GPBP1L1: variants seen among roughly 807,000 people sequenced by gnomAD.
GPBP1L1 encodes GC-rich promoter binding protein 1 like 1, also known as vasculin-like protein 1.
A neutral mutation model predicts 52.5 loss-of-function variants in GPBP1L1; 23 were observed. The ratio of observed to expected loss-of-function variants is 0.44; its 90% CI spans 0.32 to 0.62. GPBP1L1 has a LOEUF of 0.62. GPBP1L1 is among the 20% of genes least tolerant of loss of function. The pLI is 0.06. For synonymous variants in GPBP1L1, 243 were observed against 203.1 expected, an observed-to-expected ratio of 1.20 and a Z score of -1.67; for missense variants, 596 against 579.3, an observed-to-expected ratio of 1.03 and a Z score of -0.30.
chr1:45,631,355 C>T (rs1370649627), intron 10 of GPBP1L1, among the ~76,000 whole-genome samples: 1 of 152,108 alleles, frequency 6.6e-6, no homozygotes, highest in Non-Finnish European at 1.5e-5. Context: ...CCCCGCCTCC[C>T]ATGTTCAAGT....
chr1:45,628,006 ATGTG>A lies in GPBP1L1; in HGVS notation c.*246_*249del, dbSNP rs556590492. On this transcript the variant is annotated 3_prime_UTR_variant, in exon 13 of 13. Coordinates refer to ENST00000355105, the MANE Select transcript of GPBP1L1 (RefSeq NM_021639.5). ...ATCGCCCCATATATACTGGGTGTGT[ATGTG>A]TGTGTGTGTGTGAGTGTGTTTAAAA... 6.9e-5 allele frequency: 28 copies of A among 407,084 alleles called. No homozygotes were observed. Among genetic ancestry groups the A allele is most frequent in the South Asian group, 1.1e-4 (4 of 35,316 alleles). The allele number at this position is 407,084 out of a possible 1,614,324, so 25.2% of individuals were successfully genotyped here.
At chr1:45,662,896 C>T (rs866088036) in intron 2 of GPBP1L1, among the ~76,000 whole-genome samples, 6 of 151,628 alleles carry the variant, frequency 4.0e-5, no homozygotes, top group Non-Finnish European at 7.4e-5. Context: ...ACTAAGAATA[C>T]GAAAATTAGC....
At chr1:45,629,515 G>A (rs1644502685) in intron 12 of GPBP1L1, 61 bp downstream of exon 12, 2 of 657,444 alleles carry the variant, frequency 3.0e-6, no homozygotes, top group Admixed American at 2.4e-5. Context: ...GGCAAGAACT[G>A]TCTTGACTCC....
At chr1:45,655,145 A>T (rs1258394184) in intron 5 of GPBP1L1, 45 bp downstream of exon 5, 6 of 1,612,076 alleles carry the variant, frequency 3.7e-6, no homozygotes, top group Non-Finnish European at 5.1e-6. Flanking sequence ...GGCTTGTCCT[A>T]AATGAGTAGC....
Position 45,654,685 on chromosome 1 carries a change from C to A in GPBP1L1, c.335G>T (p.Gly112Val), listed in dbSNP as rs868868106. 2 of 1,614,174 alleles carry A rather than the reference C, an allele frequency of 1.2e-6. No homozygotes were observed. The highest frequency in any genetic ancestry group is 1.3e-5 in the African/African-American group (1 of 75,032). Residue 112 changes from glycine (G) to valine (V), a missense_variant, in exon 6 of 13, where the codon GGT (glycine) becomes GTT (valine). Physicochemically the swap from Gly to Val is moderately radical, Grantham distance 109. Transcript: ENST00000355105. ...GHDGMSQRSG[G>V]GTGNHRHWNG... ...CCAATGGCGATGGTTCCCTGTGCCA[C>A]CTCCACTACGTTGGCTCATGCCATC... is the stretch of plus-strand genomic sequence containing the variant.
At chr1:45,677,581 A>T (rs373154284) in intron 2 of GPBP1L1, among the ~76,000 whole-genome samples, 23 of 151,364 alleles carry the variant, frequency 1.5e-4, no homozygotes, top group African/African-American at 5.6e-4. Context: ...GGAGTCTAAT[A>T]AACAAAATCC....
At chr1:45,663,113 C>T (rs1644966878) in intron 2 of GPBP1L1, among the ~76,000 whole-genome samples, 1 of 150,936 alleles carries the variant, frequency 6.6e-6, no homozygotes, top group Non-Finnish European at 1.5e-5. Flanking sequence ...CTGTAACTCT[C>T]AGTAATAGAT....
chr1:45,661,044 A>G lies in GPBP1L1; in HGVS notation c.-916T>C, dbSNP rs992241692. On this transcript the variant is annotated 5_prime_UTR_variant, in exon 3 of 13. Transcript: ENST00000355105. ...AGTCAAGGAGAAATATAGGTCCAAAATGAGGATTTCTTCTCTTCAGTTTTC... is the reference window on the plus strand; with the variant it reads ...AGTCAAGGAGAAATATAGGTCCAAAGTGAGGATTTCTTCTCTTCAGTTTTC... 26 of 152,310 alleles carry G rather than the reference A, an allele frequency of 1.7e-4. No homozygotes were observed. Among genetic ancestry groups the G allele is most frequent in the African/African-American group, 6.3e-4 (26 of 41,576 alleles). 9.4% of individuals were successfully genotyped at this position (152,310 alleles called of 1,614,324 possible). A position where few individuals can be genotyped will look rare whatever the true frequency, so the allele number is the denominator to read the frequency against.
rs1220758602 is a variant in GPBP1L1, at chr1:45,660,191, T to C, written c.-63A>G. On this transcript the variant is annotated 5_prime_UTR_variant, in exon 3 of 13. Coordinates refer to ENST00000355105, the MANE Select transcript of GPBP1L1 (RefSeq NM_021639.5). ...CATATGGAGAATATTTACCCCAGAG[T>C]GTAACCTCTGTGGTCCTGTTTCTGA... The C allele has an allele frequency of 1.0e-5, 10 of 985,002 alleles. No homozygotes were observed. The highest frequency in any genetic ancestry group is 1.7e-5 in the African/African-American group (1 of 57,170). 61.0% of individuals were successfully genotyped at this position (985,002 alleles called of 1,614,324 possible).
intron 8 of GPBP1L1, among the ~76,000 whole-genome samples, chr1:45,638,666 A>AC (rs1644627949): frequency 6.6e-6 from 1 of 152,212 alleles, no homozygotes. Context: ...GAGGGTGAGC[A>AC]CGGTGGCTCA....
intron 8 of GPBP1L1, among the ~76,000 whole-genome samples, chr1:45,636,090 T>C (rs1644590491): frequency 6.6e-6 from 1 of 152,232 alleles, no homozygotes; most frequent in Non-Finnish European, 1.5e-5. Context: ...CCAATTTTAG[T>C]AAAACTCTTT....
chr1:45,648,815 G>T (rs1644785525), intron 6 of GPBP1L1, among the ~76,000 whole-genome samples: 2 of 152,064 alleles, frequency 1.3e-5, no homozygotes, highest in African/African-American at 4.8e-5. Flanking sequence ...ATCACTTGAG[G>T]TCAGGAGTTT....
At chr1:45,678,604 A>C (rs778668326) in intron 2 of GPBP1L1, among the ~76,000 whole-genome samples, 1 of 152,224 alleles carries the variant, frequency 6.6e-6, no homozygotes, top group African/African-American at 2.4e-5. Context: ...GAACAAGCTA[A>C]ATAATACCAT....
chr1:45,642,298 A>G (rs984897481), intron 7 of GPBP1L1, 129 bp downstream of exon 7: 1 of 686,118 alleles, frequency 1.5e-6, no homozygotes, highest in African/African-American at 1.8e-5. Flanking sequence ...CTACAGTCAG[A>G]TGTTAGTTAC....
At chr1:45,637,507 CCTCTTCAAG>C (rs891994088) in intron 8 of GPBP1L1, among the ~76,000 whole-genome samples, 11 of 87,822 alleles carry the variant, frequency 1.3e-4, no homozygotes, top group African/African-American at 4.1e-4. Flanking sequence ...CTGTTACCAT[CCTCTTCAAG>C]CTTCAAGAGC....
chr1:45,652,130 A>G (rs554821714), intron 6 of GPBP1L1, among the ~76,000 whole-genome samples: 6 of 152,198 alleles, frequency 3.9e-5, no homozygotes, highest in Non-Finnish European at 8.8e-5. Flanking sequence ...CCTGATCTCT[A>G]CATGTTAGGT....
At chr1:45,671,724 T>G (rs1645074929) in intron 2 of GPBP1L1, among the ~76,000 whole-genome samples, 1 of 152,092 alleles carries the variant, frequency 6.6e-6, no homozygotes, top group African/African-American at 2.4e-5. Flanking sequence ...CTCAGGAGGC[T>G]GAGGTGGGAG....
At chr1:45,679,667 TC>T (rs1439804400) in intron 2 of GPBP1L1, among the ~76,000 whole-genome samples, 1 of 152,048 alleles carries the variant, frequency 6.6e-6, no homozygotes, top group Non-Finnish European at 1.5e-5. Context: ...TAGTAAAATG[TC>T]CAACACAGGA....
chr1:45,651,256 T>A (rs1041435884), intron 6 of GPBP1L1: 10 of 409,576 alleles, frequency 2.4e-5, no homozygotes, highest in South Asian at 1.7e-4. Flanking sequence ...GGAGTAGACA[T>A]CCCACTCTTG....
Sources: allele counts gnomAD v4.1 joint callset (sites outside exome capture counted in the v4.1 genomes callset), GRCh38; gene constraint gnomAD v4.1.1; transcripts MANE v1.5; gene names NCBI Gene and HGNC (gene_info 2026-07-23, HGNC 2026-07-21).